Variants in OTC observed in about 807,000 individuals in gnomAD.
The protein encoded by OTC is ornithine transcarbamylase, mitochondrial.
Under a neutral mutation model 30.3 loss-of-function variants are expected in OTC, and 3 were observed. The observed-to-expected ratio is 0.10, with a 90% CI of 0.05 to 0.26. OTC has a LOEUF of 0.26. Ranked by LOEUF, OTC falls within the 10% of genes least tolerant of loss-of-function variation. OTC has a pLI of 1.00. For missense variants in OTC, 194 were observed against 260.3 expected, an observed-to-expected ratio of 0.75 and a Z score of 1.75; for synonymous variants, 111 against 99.7, an observed-to-expected ratio of 1.11 and a Z score of -0.67.
chrX:38,345,082 C>T, the OTC span, among the ~76,000 whole-genome samples: 3 of 111,036 alleles, frequency 2.7e-5, no homozygotes, highest in Non-Finnish European at 5.7e-5. Flanking sequence ...CACACCTATA[C>T]TCCTAGCTAT....
intron 4 of OTC, among the ~76,000 whole-genome samples, chrX:38,388,268 C>T (rs2068413680): frequency 9.0e-6 from 1 of 111,601 alleles, no homozygotes; most frequent in African/African-American, 3.3e-5. Flanking sequence ...AGTCCTATTG[C>T]TCACTTCCCT....
rs762666041 is a variant in OTC, at chrX:38,360,291, G to T, written c.78-7000G>T. Among the ~76,000 whole-genome samples, 7 of 111,339 alleles carry T rather than the reference G, an allele frequency of 6.3e-5. No homozygotes were observed. The South Asian group carries it at 2.3e-3, about 36-fold the overall frequency. ...TACTATCATTTATTCATTTACTTAAGAAATATTTATTGAATGACTACTACA... is the reference window on the plus strand; with the variant it reads ...TACTATCATTTATTCATTTACTTAATAAATATTTATTGAATGACTACTACA... On this transcript the variant is annotated intron_variant, in intron 1 of 9. Coordinates refer to ENST00000039007, the MANE Select transcript of OTC (RefSeq NM_000531.6).
At chrX:38,373,182 A>C (rs1296903956) in intron 3 of OTC, among the ~76,000 whole-genome samples, 1 of 112,073 alleles carries the variant, frequency 8.9e-6, no homozygotes, top group Non-Finnish European at 1.9e-5. Flanking sequence ...GCTTCCCACT[A>C]CCCTTCATTT....
chrX:38,367,830 G>A (rs778002844), intron 2 of OTC, among the ~76,000 whole-genome samples: 31 of 109,900 alleles, frequency 2.8e-4, no homozygotes, highest in African/African-American at 9.9e-4. Context: ...GAATTCTCCC[G>A]CCTCAGCCTC....
At chrX:38,383,722 C>T (rs1015719900) in intron 4 of OTC, among the ~76,000 whole-genome samples, 8 of 108,556 alleles carry the variant, frequency 7.4e-5, no homozygotes, top group Middle Eastern at 4.7e-3. Context: ...TGCTTAAACT[C>T]GGGAGGCGGA....
chrX:38,414,967 C>CA (rs1225354661), intron 9 of OTC, among the ~76,000 whole-genome samples: 1 of 111,406 alleles, frequency 9.0e-6, no homozygotes, highest in African/African-American at 3.3e-5. Flanking sequence ...GCAGCCACCA[C>CA]ACAGCCTGTA....
In OTC at chrX:38,386,372, CA is replaced by C. The variant is rs35048362; in HGVS notation, c.386+4958del. ...TGGGTGACAGAGTGAGACTCCATCT[CA>C]AAAAAAAAAAAAAATATATATATAT... is the stretch of plus-strand genomic sequence containing the variant. On this transcript the variant is annotated intron_variant, in intron 4 of 9. Transcript: ENST00000039007. Among the ~76,000 whole-genome samples the C allele has an allele frequency of 9.8e-3, 820 of 84,016 alleles. 11 individuals carry two copies. Among genetic ancestry groups the C allele is most frequent in the African/African-American group, 0.029 (647 of 21,999 alleles). 73.0% of individuals were successfully genotyped at this position (84,016 alleles called of 115,157 possible). A position where few individuals can be genotyped will look rare whatever the true frequency, so the allele number is the denominator to read the frequency against.
chrX:38,385,895 G>C (rs1397901971), intron 4 of OTC, among the ~76,000 whole-genome samples: 1 of 111,078 alleles, frequency 9.0e-6, no homozygotes, highest in Non-Finnish European at 1.9e-5. Context: ...AGGAGTTTGA[G>C]ACCAGCCTGG....
intron 5 of OTC, among the ~76,000 whole-genome samples, chrX:38,402,620 A>G (rs914983317): frequency 3.6e-5 from 4 of 111,649 alleles, no homozygotes; most frequent in African/African-American, 1.3e-4. Flanking sequence ...AGTTTTGTCA[A>G]TTCTTAACAT....
At chrX:38,331,882 A>C in the OTC span, among the ~76,000 whole-genome samples, 1 of 111,229 alleles carries the variant, frequency 9.0e-6, no homozygotes, top group East Asian at 2.8e-4. Context: ...GTGCCTGGCC[A>C]TCTATACTAT....
rs138806207 is a variant in OTC, at chrX:38,356,050, CA to C, written c.77+3302del. Among the ~76,000 whole-genome samples the C allele has an allele frequency of 4.0e-3, 213 of 52,651 alleles. 1 individual carries two copies. Among genetic ancestry groups the C allele is most frequent in the African/African-American group, 0.013 (166 of 13,013 alleles). 45.7% of individuals were successfully genotyped at this position (52,651 alleles called of 115,157 possible). Reference sequence around the variant, plus strand: ...TGGGTGACAGAGCGAGACTCTGTCTCAAAAAAAAAAAAAAAAAAAAAAAAAT... The same window carrying C: ...TGGGTGACAGAGCGAGACTCTGTCTCAAAAAAAAAAAAAAAAAAAAAAAAT... On this transcript the variant is annotated intron_variant, in intron 1 of 9. Transcript: ENST00000039007.
At chrX:38,370,583 T>C (rs954432004) in intron 3 of OTC, among the ~76,000 whole-genome samples, 5 of 111,119 alleles carry the variant, frequency 4.5e-5, no homozygotes, top group Admixed American at 1.9e-4. Context: ...GGCCTGAACA[T>C]TGGGAGGAAT....
intron 2 of OTC, among the ~76,000 whole-genome samples, chrX:38,368,541 G>C (rs1295299632): frequency 9.2e-6 from 1 of 109,283 alleles, no homozygotes; most frequent in African/African-American, 3.3e-5. Context: ...ATGGGATATG[G>C]TTCTTAGCTA....
chrX:38,331,303 G>T, the OTC span, among the ~76,000 whole-genome samples: 3 of 108,186 alleles, frequency 2.8e-5, no homozygotes, highest in East Asian at 8.6e-4. Flanking sequence ...GCCCAGGCTG[G>T]AGTGCAGGGG....
Position 38,394,893 on chromosome X carries a change from T to TG in OTC, c.387-6373dup, listed in dbSNP as rs199849856. 2.2e-3 allele frequency among the ~76,000 whole-genome samples: 203 copies of TG among 90,919 alleles called. 1 individual carries two copies. The highest frequency in any genetic ancestry group is 6.8e-3 in the Admixed American group (60 of 8,817). 79.0% of individuals were successfully genotyped at this position (90,919 alleles called of 115,157 possible). On this transcript the variant is annotated intron_variant, in intron 4 of 9. Coordinates refer to ENST00000039007, the MANE Select transcript of OTC (RefSeq NM_000531.6). ...TCTTTTGAAAAAGGAAAGTAGTTTC[T>TG]GGGGGGGGGCAGGGCAGAGGTAAGA...
chrX:38,330,191 T>C, the OTC span, among the ~76,000 whole-genome samples: 1 of 111,097 alleles, frequency 9.0e-6, no homozygotes, highest in Non-Finnish European at 1.9e-5. Flanking sequence ...GCTGTGAAGA[T>C]GAAGGTAAGG....
chrX:38,414,074 A>G (rs972795614), intron 9 of OTC, among the ~76,000 whole-genome samples: 1 of 111,678 alleles, frequency 9.0e-6, no homozygotes, highest in Non-Finnish European at 1.9e-5. Context: ...TGAGCTCTCC[A>G]ACCACATACC....
intron 4 of OTC, 24 bp from the exon 5 acceptor site, chrX:38,401,251 T>C (rs773527760): frequency 3.4e-5 from 39 of 1,149,970 alleles, no homozygotes; most frequent in Non-Finnish European, 1.2e-6. Context: ...TATCTTAGAT[T>C]ATCTTTTTCT....
chrX:38,364,822 T>TA (rs767921612), intron 1 of OTC, among the ~76,000 whole-genome samples: 2 of 110,230 alleles, frequency 1.8e-5, no homozygotes, highest in East Asian at 5.7e-4. Context: ...ATCAACCAAT[T>TA]AGCCAACCAA....
Sources: gnomAD v4.1 joint callset for allele counts (sites outside exome capture counted in the v4.1 genomes callset) on GRCh38, gnomAD v4.1.1 for gene constraint, MANE v1.5 for transcripts, NCBI Gene and HGNC (gene_info 2026-07-23, HGNC 2026-07-21) for gene names.